Variants in RBL2 observed in about 807,000 individuals in gnomAD.
The protein encoded by RBL2 is retinoblastoma-like protein 2.
Under a neutral mutation model 126.0 loss-of-function variants are expected in RBL2, and 56 were observed. The observed-to-expected ratio is 0.44, with a 90% confidence interval of 0.36 to 0.56. The LOEUF (loss-of-function observed/expected upper bound fraction) is 0.56, where lower values mean the gene tolerates loss of function less well. Among genes scored for constraint, RBL2 ranks in the 20% least tolerant of loss-of-function variants. The pLI is 0.00. For missense variants in RBL2, 1,229 were observed against 1,398.2 expected, an observed-to-expected ratio of 0.88 and a Z score of 1.93; for synonymous variants, 454 against 478.5, an observed-to-expected ratio of 0.95 and a Z score of 0.67.
At chr16:53,482,722 A>T (rs1322208676) in intron 21 of RBL2, among the ~76,000 whole-genome samples, 4 of 151,604 alleles carry the variant, frequency 2.6e-5, no homozygotes, top group African/African-American at 9.7e-5. Flanking sequence ...AGGCAGGAAA[A>T]TAGCTTGAAC....
chr16:53,460,590 C>T (rs1001213830), intron 9 of RBL2, among the ~76,000 whole-genome samples: 2 of 152,116 alleles, frequency 1.3e-5, no homozygotes, highest in African/African-American at 2.4e-5. Flanking sequence ...TTTACAGTTT[C>T]TAACTAGGCA....
At position 53,434,487 on chromosome 16, in the gene RBL2, C is replaced by G. The variant is rs557602757; in HGVS notation, c.-70C>G. The G allele has an allele frequency of 8.7e-4, 1,151 of 1,317,532 alleles. 12 individuals are homozygous for G. In the African/African-American group the frequency reaches 0.016, roughly 18 times the overall value. 81.6% of individuals were successfully genotyped at this position (1,317,532 alleles called of 1,614,324 possible). The stretch of plus-strand genomic sequence containing the variant: ...GGTGCGGGCGGCGGACGGGCGGGCG[C>G]TTCGCCGTTTGAATGGCTGCGGGCC... On this transcript the variant is annotated 5_prime_UTR_variant, in exon 1 of 22. Coordinates refer to ENST00000262133, the MANE Select transcript of RBL2 (RefSeq NM_005611.4).
chr16:53,469,792 G>C, intron 14 of RBL2, 124 bp from the exon 15 acceptor site: 1 of 1,171,558 alleles, frequency 8.5e-7, no homozygotes. Flanking sequence ...TGTAATTCTT[G>C]TTTGCTTTTT....
chr16:53,489,219 G>A (rs1010486884), intron 21 of RBL2: 4 of 152,080 alleles, frequency 2.6e-5, no homozygotes, highest in African/African-American at 9.7e-5. Context: ...AAATAATCTG[G>A]GGAATGGAAG....
rs187007742 is a variant in RBL2 at position 53,441,903 on chromosome 16, C to T, written c.372-755C>T. On this transcript the variant is annotated intron_variant, in intron 2 of 21. Coordinates refer to ENST00000262133, the MANE Select transcript of RBL2 (RefSeq NM_005611.4). ...TGGCGTGATCTCGGCTCACTGCAAC[C>T]TCCGCCTCCCAGGTTTAAGTGATTT... Among the ~76,000 whole-genome samples, 6 of 152,204 alleles carry T rather than the reference C, an allele frequency of 3.9e-5. No homozygotes were observed. In the South Asian group the frequency reaches 1.2e-3, roughly 32 times the overall value.
chr16:53,469,844 T>A, intron 14 of RBL2, 72 bp from the exon 15 acceptor site: 1 of 1,446,230 alleles, frequency 6.9e-7, no homozygotes, highest in East Asian at 2.3e-5. Context: ...TTTTTTAACA[T>A]AAGAGCTTGG....
Position 53,465,525 on chromosome 16 carries a change from C to A in RBL2, c.1786C>A (p.His596Asn). ...LNQIEEQILD[H>N]LAWKPESPLW... ...TCAGATTGAAGAACAGATCTTAGAT[C>A]ATTTGGCATGGAAACCAGAGTCTCC... Residue 596 changes from histidine (H) to asparagine (N), a missense_variant, in exon 13 of 22, where the codon CAT becomes AAT. His to Asn is a moderately conservative substitution (Grantham distance 68). Transcript: ENST00000262133. 1 of 1,606,732 alleles carries A rather than the reference C, an allele frequency of 6.2e-7. No homozygotes were observed. The highest frequency in any genetic ancestry group is 8.5e-7 in the Non-Finnish European group (1 of 1,176,766).
rs200899902 is a variant in RBL2 at position 53,465,434 on chromosome 16, T to G, written c.1699-4T>G. On this transcript the variant is annotated splice_polypyrimidine_tract_variant and splice_region_variant and intron_variant, in intron 12 of 21. Coordinates refer to ENST00000262133, the MANE Select transcript of RBL2 (RefSeq NM_005611.4). ...TCAGTGAACCAAGACATTTTTTATT[T>G]CAGGTGATAGAAGTATTCATTAGAG... The G allele has an allele frequency of 7.2e-7, 1 of 1,390,572 alleles. No individual in the cohort carries two copies. The allele number at this position is 1,390,572 out of a possible 1,614,324, so 86.1% of individuals were successfully genotyped here.
chr16:53,456,877 T>G (rs1458269587), intron 8 of RBL2, among the ~76,000 whole-genome samples: 1 of 152,170 alleles, frequency 6.6e-6, no homozygotes, highest in African/African-American at 2.4e-5. Context: ...CTGACTCTGC[T>G]TGCTAGTGTT....
chr16:53,490,197 T>C lies in RBL2; in HGVS notation c.3317T>C (p.Leu1106Ser). The change falls in exon 22 of 22, where the codon TTG (leucine) becomes TCG (serine). Residue 1106 changes from leucine to serine, a missense_variant. Transcript: ENST00000262133. The part of the protein sequence containing the change: ...ETPTKKRGIL[L>S]EDGSESPAKR... ...CCTACTAAAAAGAGAGGAATTCTTT[T>C]GGAAGATGGAAGTGAATCACCTGCA... is the stretch of plus-strand genomic sequence containing the variant. 1.9e-6 allele frequency: 3 copies of C among 1,612,418 alleles called. No homozygotes were observed. Among genetic ancestry groups the C allele is most frequent in the Non-Finnish European group, 2.5e-6 (3 of 1,178,796 alleles).
At position 53,438,363 on chromosome 16, in the gene RBL2, A is replaced by C. The variant is rs12446902; in HGVS notation, c.241-653A>C. 1.7e-3 allele frequency among the ~76,000 whole-genome samples: 253 copies of C among 152,318 alleles called. 4 individuals carry two copies. The highest frequency in any genetic ancestry group is 0.016 in the Admixed American group (238 of 15,308). ...GGACTCCGAAGGCACATGTCCTAAG[A>C]GAGAGAACCAAGTGGAATCTATACT... On this transcript the variant is annotated intron_variant, in intron 1 of 21. Coordinates refer to ENST00000262133, the MANE Select transcript of RBL2 (RefSeq NM_005611.4).
Position 53,434,659 on chromosome 16 carries a change from G to T in RBL2, c.103G>T (p.Ala35Ser), listed in dbSNP as rs1567722686. ...GGACGACGGCGAGGCGGAAGACGCC[G>T]CGCCGCCTGCCGAGTCGCCCACCCC... The part of the protein sequence containing the change: ...EEDDGEAEDA[A>S]PPAESPTPQI... The change falls in exon 1 of 22, where the codon GCG becomes TCG. Residue 35 changes from alanine (A) to serine (S), a missense_variant. Physicochemically the swap from Ala to Ser is moderately conservative, Grantham distance 99 (BLOSUM62 1). Transcript: ENST00000262133. 2 of 1,560,914 alleles carry T rather than the reference G, an allele frequency of 1.3e-6. No individual in the cohort carries two copies. The highest frequency in any genetic ancestry group is 1.4e-5 in the African/African-American group (1 of 73,402).
rs557787860 is a variant in RBL2 at position 53,484,988 on chromosome 16, G to A, written c.3249+3153G>A. On this transcript the variant is annotated intron_variant, in intron 21 of 21. Transcript: ENST00000262133. ...GAGGGTCGTTTCCTATTATAAAGAG[G>A]ACATATAACCCTAAATAAAAAAAAA... Among the ~76,000 whole-genome samples, 10 of 139,940 alleles carry A rather than the reference G, an allele frequency of 7.1e-5. No homozygotes were observed. In the South Asian group the frequency reaches 1.6e-3, roughly 22 times the overall value. The allele number at this position is 139,940 out of a possible 152,430, so 91.8% of individuals were successfully genotyped here. A position where few individuals can be genotyped will look rare whatever the true frequency, so the allele number is the denominator to read the frequency against.
intron 21 of RBL2, among the ~76,000 whole-genome samples, chr16:53,486,778 A>G (rs773638502): frequency 4.6e-5 from 7 of 152,210 alleles, no homozygotes; most frequent in Admixed American, 6.5e-5. Flanking sequence ...AGCATGTGCA[A>G]TAAGACAAGA....
intron 21 of RBL2, among the ~76,000 whole-genome samples, chr16:53,485,856 A>AC (rs796958764): frequency 2.2e-5 from 3 of 135,558 alleles, no homozygotes; most frequent in African/African-American, 7.6e-5. Context: ...ACCATCTAAA[A>AC]AAAAACAAAA....
chr16:53,462,686 G>T (rs7204496), intron 11 of RBL2, 31 bp downstream of exon 11: 2 of 1,341,794 alleles, frequency 1.5e-6, no homozygotes, highest in South Asian at 1.3e-5. Flanking sequence ...ATTGATCAGC[G>T]CAATGAAACA....
intron 17 of RBL2, 104 bp downstream of exon 17, chr16:53,471,026 T>G: frequency 1.6e-6 from 2 of 1,224,016 alleles, no homozygotes; most frequent in African/African-American, 3.0e-5. Context: ...ATAATTCACC[T>G]ATTTAAAATG....
chr16:53,471,082 C>G (rs1055249446), intron 17 of RBL2, among the ~76,000 whole-genome samples, 160 bp downstream of exon 17: 1 of 152,200 alleles, frequency 6.6e-6, no homozygotes, highest in Admixed American at 6.5e-5. Context: ...GTGCAATACT[C>G]ACCACAATTT....
At chr16:53,441,687 A>G (rs1355434911) in intron 2 of RBL2, among the ~76,000 whole-genome samples, 2 of 152,218 alleles carry the variant, frequency 1.3e-5, no homozygotes, top group African/African-American at 4.8e-5. Context: ...TTACACATAC[A>G]TGTGTATGTG....
Sources: allele counts gnomAD v4.1 joint callset (sites outside exome capture counted in the v4.1 genomes callset), GRCh38; gene constraint gnomAD v4.1.1; transcripts MANE v1.5; gene names NCBI Gene and HGNC (gene_info 2026-07-23, HGNC 2026-07-21).